Variants in CACNB2 observed in about 807,000 individuals in gnomAD.
The protein encoded by CACNB2 is calcium voltage-gated channel auxiliary subunit beta 2, also known as voltage-dependent L-type calcium channel subunit beta-2.
A neutral mutation model predicts 73.3 loss-of-function variants in CACNB2; 42 were observed. The observed-to-expected ratio is 0.57, with a 90% confidence interval of 0.45 to 0.74. The LOEUF (loss-of-function observed/expected upper bound fraction) is 0.74, where lower values mean the gene tolerates loss of function less well. Among genes scored for constraint, CACNB2 ranks in the 30% least tolerant of loss-of-function variants. The probability of loss-of-function intolerance (pLI) is 0.00; values close to 1 mark genes in which losing one functional copy is unlikely to be tolerated. For synonymous variants in CACNB2, 348 were observed against 310.3 expected (o/e 1.12, Z -1.28); for missense variants, 940 against 853.0 (o/e 1.10, Z -1.27).
At chr10:18,375,334 A>T (rs921312726) in intron 2 of CACNB2, among the ~76,000 whole-genome samples, 1 of 152,214 alleles carries the variant, frequency 6.6e-6, no homozygotes, top group South Asian at 2.1e-4. Flanking sequence ...ATGTATCTTT[A>T]TTAAGATAAA....
At chr10:18,447,873 C>T (rs934683540) in intron 3 of CACNB2, among the ~76,000 whole-genome samples, 2 of 152,078 alleles carry the variant, frequency 1.3e-5, no homozygotes, top group Non-Finnish European at 2.9e-5. Flanking sequence ...CAGGGAAATT[C>T]TTTGCCTCCA....
At chr10:18,310,013 A>G (rs2039894981) in intron 2 of CACNB2, among the ~76,000 whole-genome samples, 1 of 152,226 alleles carries the variant, frequency 6.6e-6, no homozygotes, top group African/African-American at 2.4e-5. Flanking sequence ...TAATTTATAT[A>G]TCCAACTAAA....
intron 2 of CACNB2, among the ~76,000 whole-genome samples, chr10:18,400,245 A>G (rs1048438835): frequency 2.6e-5 from 4 of 152,350 alleles, no homozygotes; most frequent in African/African-American, 9.6e-5. Context: ...TTGCTATGCA[A>G]TATTGCATAT....
At chr10:18,141,554 C>T (rs1212452841) in intron 1 of CACNB2, among the ~76,000 whole-genome samples, 2 of 151,556 alleles carry the variant, frequency 1.3e-5, no homozygotes, top group Non-Finnish European at 1.5e-5. Flanking sequence ...CAGGGATCTC[C>T]AGGATCCCCT....
chr10:18,366,815 T>G (rs963590627), intron 2 of CACNB2, among the ~76,000 whole-genome samples: 2 of 152,040 alleles, frequency 1.3e-5, no homozygotes, highest in African/African-American at 4.8e-5. Context: ...TGATTTTGGC[T>G]GTTTATGGAA....
chr10:18,148,836 A>T (rs192494444), intron 1 of CACNB2, among the ~76,000 whole-genome samples: 16 of 151,986 alleles, frequency 1.1e-4, no homozygotes, highest in Admixed American at 9.8e-4. Context: ...CTCTACAAAA[A>T]ACAAAAATTA....
In CACNB2 at chr10:18,511,054, A is replaced by C. The variant is rs536529825; in HGVS notation, c.671-3182A>C. Among the ~76,000 whole-genome samples the C allele has an allele frequency of 1.3e-3, 193 of 152,342 alleles. 2 individuals carry two copies. Among genetic ancestry groups the C allele is most frequent in the African/African-American group, 4.3e-3 (178 of 41,586 alleles). On this transcript the variant is annotated intron_variant, in intron 6 of 13. Transcript: ENST00000324631. ...TTCCTATATGAGCAAAGGATTAGCTATAGGATGGTATAAAAGTCAGCACTG... is the reference window on the plus strand; with the variant it reads ...TTCCTATATGAGCAAAGGATTAGCTCTAGGATGGTATAAAAGTCAGCACTG...
At chr10:18,413,403 CTTATAG>C (rs1398087736) in intron 3 of CACNB2, among the ~76,000 whole-genome samples, 2 of 152,236 alleles carry the variant, frequency 1.3e-5, no homozygotes, top group African/African-American at 4.8e-5. Flanking sequence ...TCAGCCGTCA[CTTATAG>C]TTAGTGTCTT....
chr10:18,432,450 C>CTCTGTGTGTGTGTG (rs1411132620), intron 3 of CACNB2, among the ~76,000 whole-genome samples: 15 of 150,628 alleles, frequency 1.0e-4, no homozygotes, highest in African/African-American at 2.9e-4. Flanking sequence ...GTGTGTGTCT[C>CTCTGTGTGTGTGTG]TGTGTGTGTG....
At chr10:18,290,774 G>A (rs187782675) in intron 2 of CACNB2, among the ~76,000 whole-genome samples, 4 of 152,306 alleles carry the variant, frequency 2.6e-5, no homozygotes, top group Admixed American at 2.6e-4. Flanking sequence ...TGAGGGGGAA[G>A]GCAGAGGTCC....
intron 2 of CACNB2, among the ~76,000 whole-genome samples, chr10:18,328,260 A>C (rs1241060071): frequency 6.6e-6 from 1 of 152,214 alleles, no homozygotes. Context: ...CATCTGGGGA[A>C]CTTTAAAAAA....
chr10:18,193,052 CA>C (rs1385554542), intron 2 of CACNB2, among the ~76,000 whole-genome samples: 1 of 152,014 alleles, frequency 6.6e-6, no homozygotes, highest in Non-Finnish European at 1.5e-5. Context: ...ATTTACAATT[CA>C]TATATAATTG....
At chr10:18,222,446 T>A (rs76670082) in intron 2 of CACNB2, among the ~76,000 whole-genome samples, 94,080 of 151,564 alleles carry the variant, frequency 0.62, 30,261 homozygotes, top group Non-Finnish European at 0.71. Context: ...TGTGAGACCC[T>A]CTGCGAAATA....
intron 2 of CACNB2, among the ~76,000 whole-genome samples, chr10:18,334,417 C>T (rs2040922687): frequency 6.6e-6 from 1 of 152,168 alleles, no homozygotes; most frequent in African/African-American, 2.4e-5. Context: ...TGCATTTTGC[C>T]TCTCCAGTCT....
intron 1 of CACNB2, among the ~76,000 whole-genome samples, chr10:18,142,046 G>T (rs1588528111): frequency 6.6e-6 from 1 of 152,324 alleles, no homozygotes; most frequent in East Asian, 1.9e-4. Context: ...AGTGTGACAA[G>T]CTAATAAAGG....
chr10:18,158,553 T>C (rs2032222922), intron 2 of CACNB2, among the ~76,000 whole-genome samples: 1 of 152,194 alleles, frequency 6.6e-6, no homozygotes, highest in Non-Finnish European at 1.5e-5. Flanking sequence ...ATTTCATTTA[T>C]CATTGTAATA....
chr10:18,220,232 T>TATAGAGAG (rs1488872721), intron 2 of CACNB2, among the ~76,000 whole-genome samples: 5 of 25,082 alleles, frequency 2.0e-4, no homozygotes, highest in Admixed American at 6.7e-4. Flanking sequence ...TATATATATA[T>TATAGAGAG]AGAGAGAGAG....
chr10:18,472,221 C>CT lies in CACNB2; in HGVS notation c.334-26101dup, dbSNP rs200348808. Among the ~76,000 whole-genome samples, 137 of 119,374 alleles carry CT rather than the reference C, an allele frequency of 1.1e-3. 2 individuals are homozygous for CT. Among genetic ancestry groups the CT allele is most frequent in the East Asian group, 3.8e-3 (16 of 4,228 alleles). 78.3% of individuals were successfully genotyped at this position (119,374 alleles called of 152,430 possible). A position where few individuals can be genotyped will look rare whatever the true frequency, so the allele number is the denominator to read the frequency against. On this transcript the variant is annotated intron_variant, in intron 3 of 13. Coordinates refer to ENST00000324631, the MANE Select transcript of CACNB2 (RefSeq NM_201596.3). The stretch of plus-strand genomic sequence containing the variant: ...CTTTAATATCCGGCCCACTTTTCTT[C>CT]TTTTTTTTTTTTTTTTTTTTTTTTT...
intron 2 of CACNB2, among the ~76,000 whole-genome samples, chr10:18,228,160 C>A (rs7916863): frequency 0.057 from 8,620 of 152,084 alleles, 805 homozygotes; most frequent in African/African-American, 0.2. Flanking sequence ...CGGTGACTCA[C>A]GCCTTGTAAT....
Sources: gnomAD v4.1 joint callset for allele counts (sites outside exome capture counted in the v4.1 genomes callset) on GRCh38, gnomAD v4.1.1 for gene constraint, MANE v1.5 for transcripts, NCBI Gene and HGNC (gene_info 2026-07-23, HGNC 2026-07-21) for gene names.